RABGAP1L: variants seen among roughly 807,000 people sequenced by gnomAD.
RABGAP1L encodes rab GTPase-activating protein 1-like.
A neutral mutation model predicts 137.7 loss-of-function variants in RABGAP1L; 63 were observed. That is an observed-to-expected ratio of 0.46 (90% CI 0.37 to 0.56). The LOEUF is 0.56. RABGAP1L is among the 20% of genes least tolerant of loss of function. The pLI is 0.00. For synonymous variants in RABGAP1L, 431 were observed against 433.7 expected (o/e 0.99, Z 0.08); for missense variants, 1,095 against 1,244.0 (o/e 0.88, Z 1.80).
At chr1:174,635,613 T>C (rs975205822) in intron 13 of RABGAP1L, among the ~76,000 whole-genome samples, 1 of 151,328 alleles carries the variant, frequency 6.6e-6, no homozygotes, top group Non-Finnish European at 1.5e-5. Flanking sequence ...CTCTGTATCC[T>C]TTTACTGAAG....
intron 19 of RABGAP1L, chr1:174,892,502 C>T: frequency 2.0e-6 from 1 of 490,106 alleles, no homozygotes; most frequent in South Asian, 1.5e-5. Flanking sequence ...TTGTAAGTTA[C>T]TGGTTTTCAC....
At chr1:174,417,733 A>G (rs1650772014) in intron 13 of RABGAP1L, among the ~76,000 whole-genome samples, 1 of 152,216 alleles carries the variant, frequency 6.6e-6, no homozygotes, top group South Asian at 2.1e-4. Context: ...CGTTTTAAGA[A>G]TCACATATTA....
intron 1 of RABGAP1L, among the ~76,000 whole-genome samples, chr1:174,214,112 A>T (rs1343283314): frequency 6.6e-6 from 1 of 152,192 alleles, no homozygotes; most frequent in Non-Finnish European, 1.5e-5. Context: ...CCACCAAAAA[A>T]CTGTTAGAAC....
At chr1:174,953,787 A>G (rs189495912) in intron 19 of RABGAP1L, among the ~76,000 whole-genome samples, 2 of 152,300 alleles carry the variant, frequency 1.3e-5, no homozygotes, top group South Asian at 2.1e-4. Context: ...GTGGGGAAAA[A>G]CTATAGGGAA....
intron 13 of RABGAP1L, among the ~76,000 whole-genome samples, chr1:174,541,707 C>T (rs977740433): frequency 2.6e-5 from 4 of 151,594 alleles, no homozygotes; most frequent in African/African-American, 4.8e-5. Context: ...ACCCGGGAGG[C>T]GGAGCTTGTA....
intron 13 of RABGAP1L, among the ~76,000 whole-genome samples, chr1:174,615,828 C>G (rs983335550): frequency 1.3e-5 from 2 of 152,202 alleles, no homozygotes; most frequent in African/African-American, 4.8e-5. Flanking sequence ...AGTTTGATCT[C>G]CGACTGTTGT....
chr1:174,808,277 G>A (rs1481902546), intron 18 of RABGAP1L, among the ~76,000 whole-genome samples: 3 of 151,778 alleles, frequency 2.0e-5, no homozygotes, highest in Admixed American at 1.3e-4. Flanking sequence ...ATGAGCTACC[G>A]TGCCCAGCCA....
chr1:174,327,984 CACATATATATATATATATATATATATAT>C (rs1227586255), intron 11 of RABGAP1L, among the ~76,000 whole-genome samples: 6 of 37,876 alleles, frequency 1.6e-4, no homozygotes, highest in Admixed American at 3.3e-4. Flanking sequence ...TATATACACA[CACATATATATATATATATATATATATAT>C]ATATATATAT....
intron 18 of RABGAP1L, chr1:174,800,542 C>T (rs916429541): frequency 1.6e-5 from 24 of 1,535,430 alleles, no homozygotes; most frequent in East Asian, 2.5e-5. Flanking sequence ...AGGGAATCTG[C>T]TATCCTCTGT....
intron 13 of RABGAP1L, among the ~76,000 whole-genome samples, chr1:174,566,294 A>G (rs566791286): frequency 1.3e-5 from 2 of 152,250 alleles, no homozygotes; most frequent in African/African-American, 4.8e-5. Flanking sequence ...AGTTTCACCT[A>G]CAAAGAGTTT....
At chr1:174,950,369 T>C (rs1667524206) in intron 19 of RABGAP1L, among the ~76,000 whole-genome samples, 1 of 152,188 alleles carries the variant, frequency 6.6e-6, no homozygotes. Flanking sequence ...TTGTTTAATA[T>C]GTTCCCTCTC....
chr1:174,543,894 C>A (rs1335657610), intron 13 of RABGAP1L, among the ~76,000 whole-genome samples: 2 of 152,180 alleles, frequency 1.3e-5, no homozygotes, highest in Non-Finnish European at 2.9e-5. Flanking sequence ...GTTGAAAATT[C>A]TTTTCTTTAA....
intron 13 of RABGAP1L, among the ~76,000 whole-genome samples, chr1:174,474,811 C>T (rs370746320): frequency 1.3e-5 from 2 of 151,994 alleles, no homozygotes; most frequent in Non-Finnish European, 1.5e-5. Flanking sequence ...CCATGTTGGC[C>T]AGGATGGTCT....
rs115592248 is a variant in RABGAP1L at position 174,983,308 on chromosome 1, T to G, written c.2805+403T>G. The stretch of plus-strand genomic sequence containing the variant: ...TTATAAGTAAACACCATGGGCAATA[T>G]AGAACTTAGCTGGAAAAACATGTGT... On this transcript the variant is annotated intron_variant, in intron 24 of 25. Coordinates refer to ENST00000681986, the MANE Select transcript of RABGAP1L (RefSeq NM_001366446.1). Among the ~76,000 whole-genome samples the G allele has an allele frequency of 7.0e-3, 1,070 of 152,274 alleles. 17 individuals carry two copies. The highest frequency in any genetic ancestry group is 0.025 in the African/African-American group (1,032 of 41,532).
At chr1:174,612,766 C>T (rs1418634305) in intron 13 of RABGAP1L, among the ~76,000 whole-genome samples, 1 of 152,334 alleles carries the variant, frequency 6.6e-6, no homozygotes, top group Non-Finnish European at 1.5e-5. Flanking sequence ...GATTCAACTT[C>T]TTCCTGGTTT....
intron 13 of RABGAP1L, among the ~76,000 whole-genome samples, chr1:174,620,670 C>T (rs1408560766): frequency 6.6e-6 from 1 of 151,984 alleles, no homozygotes. Flanking sequence ...TAAATACCCA[C>T]AAGAGAAAGC....
intron 13 of RABGAP1L, among the ~76,000 whole-genome samples, chr1:174,422,418 A>G (rs1651426956): frequency 6.6e-6 from 1 of 152,070 alleles, no homozygotes; most frequent in Non-Finnish European, 1.5e-5. Flanking sequence ...AACAGTTTTT[A>G]GGAATAGAAA....
At chr1:174,821,329 C>T (rs1023101880) in intron 19 of RABGAP1L, among the ~76,000 whole-genome samples, 7 of 152,158 alleles carry the variant, frequency 4.6e-5, no homozygotes, top group African/African-American at 1.7e-4. Context: ...TGTCTTCCTA[C>T]CCCGTGCTAA....
chr1:174,729,575 C>T (rs372421872), intron 17 of RABGAP1L, among the ~76,000 whole-genome samples: 4 of 152,058 alleles, frequency 2.6e-5, no homozygotes, highest in East Asian at 1.9e-4. Context: ...ATGCATCTGA[C>T]AAAAGTCTAA....
Sources: gnomAD v4.1 joint callset for allele counts (sites outside exome capture counted in the v4.1 genomes callset) on GRCh38, gnomAD v4.1.1 for gene constraint, MANE v1.5 for transcripts, NCBI Gene and HGNC (gene_info 2026-07-23, HGNC 2026-07-21) for gene names.